The following RPTOR variants were observed in gnomAD, a reference collection of about 807,000 sequenced individuals.
The protein encoded by RPTOR is regulatory-associated protein of mTOR.
A neutral mutation model predicts 169.9 loss-of-function variants in RPTOR; 21 were observed. The observed-to-expected ratio is 0.12, with a 90% CI of 0.09 to 0.18. RPTOR has a LOEUF of 0.18. Among genes scored for constraint, RPTOR ranks in the 10% least tolerant of loss-of-function variants. RPTOR has a pLI of 1.00. For synonymous variants in RPTOR, 732 were observed against 753.2 expected, an observed-to-expected ratio of 0.97 and a Z score of 0.46; for missense variants, 1,133 against 1,855.9, an observed-to-expected ratio of 0.61 and a Z score of 7.16.
chr17:80,568,053 T>C (rs1188533761), intron 1 of RPTOR, among the ~76,000 whole-genome samples: 1 of 151,830 alleles, frequency 6.6e-6, no homozygotes, highest in South Asian at 2.1e-4. Context: ...ACTACAGGCA[T>C]GCGCTACTAT....
intron 1 of RPTOR, among the ~76,000 whole-genome samples, chr17:80,600,832 A>C (rs965685473): frequency 2.6e-5 from 4 of 151,854 alleles, no homozygotes; most frequent in African/African-American, 9.7e-5. Flanking sequence ...CGTATTTTCC[A>C]GAGATGACCG....
In RPTOR at chr17:80,822,755, T is replaced by C. The variant is rs544775456; in HGVS notation, c.992-324T>C. On this transcript the variant is annotated intron_variant, in intron 8 of 33. Coordinates refer to ENST00000306801, the MANE Select transcript of RPTOR (RefSeq NM_020761.3). ...ATACACGTGTGTATATGCATATTTG[T>C]GTGTGTGTATTTGTGTATGTGTACA... Among the ~76,000 whole-genome samples the C allele has an allele frequency of 1.9e-4, 27 of 140,218 alleles. No individual in the cohort carries two copies. In the South Asian group the frequency reaches 5.3e-3, roughly 28 times the overall value. 92.0% of individuals were successfully genotyped at this position (140,218 alleles called of 152,430 possible). A position where few individuals can be genotyped will look rare whatever the true frequency, so the allele number is the denominator to read the frequency against.
At position 80,674,249 on chromosome 17, in the gene RPTOR, G is replaced by A. The variant is rs140235142; in HGVS notation, c.348+30439G>A. ...CATGTTATGGAACAAGTTAGTATAA[G>A]TTTATTTTGGGGCAAAATGTTTTTT... is the stretch of plus-strand genomic sequence containing the variant. On this transcript the variant is annotated intron_variant, in intron 3 of 33. Transcript: ENST00000306801. Among the ~76,000 whole-genome samples the A allele has an allele frequency of 1.2e-4, 18 of 152,300 alleles. No homozygotes were observed. In the East Asian group the frequency reaches 2.9e-3, roughly 24 times the overall value.
chr17:80,584,186 G>A (rs1312105203), intron 1 of RPTOR, among the ~76,000 whole-genome samples: 1 of 152,138 alleles, frequency 6.6e-6, no homozygotes, highest in African/African-American at 2.4e-5. Flanking sequence ...CAGTGAAGGG[G>A]AATCAGTGTC....
chr17:80,720,214 C>T (rs1056128526), intron 4 of RPTOR, among the ~76,000 whole-genome samples: 2 of 151,962 alleles, frequency 1.3e-5, no homozygotes, highest in Admixed American at 6.6e-5. Context: ...AGGAGAATCG[C>T]TTGAACTGGG....
At chr17:80,564,174 T>C (rs1169759311) in intron 1 of RPTOR, among the ~76,000 whole-genome samples, 1 of 152,042 alleles carries the variant, frequency 6.6e-6, no homozygotes, top group East Asian at 1.9e-4. Flanking sequence ...GTCATTCTCC[T>C]GCCTCAGCCT....
chr17:80,855,561 G>T lies in RPTOR; in HGVS notation c.1398+14G>T. ...GCAGTGAGCCTGGTGCGTGCCTTCC[G>T]CATTAACCTGGGGGCTGAGGGAGGT... On this transcript the variant is annotated intron_variant, in intron 12 of 33. Coordinates refer to ENST00000306801, the MANE Select transcript of RPTOR (RefSeq NM_020761.3). 4.4e-6 allele frequency: 7 copies of T among 1,589,996 alleles called. No homozygotes were observed. Among genetic ancestry groups the T allele is most frequent in the Non-Finnish European group, 6.0e-6 (7 of 1,158,030 alleles).
chr17:80,664,792 G>C (rs1330952266), intron 3 of RPTOR, among the ~76,000 whole-genome samples: 1 of 152,178 alleles, frequency 6.6e-6, no homozygotes, highest in Non-Finnish European at 1.5e-5. Flanking sequence ...TAAAGTGCCT[G>C]AGATAAATTT....
rs1399687840 is a variant in RPTOR at position 80,708,103 on chromosome 17, T to C, written c.507+104T>C. ...TCCGTAGCTTCTGTTAAGCCATTGA[T>C]GTTTACTGTGTTTCAACAAACCCAA... On this transcript the variant is annotated intron_variant, in intron 4 of 33. Coordinates refer to ENST00000306801, the MANE Select transcript of RPTOR (RefSeq NM_020761.3). The surrounding 1 kb of genome is among the most constrained non-coding windows in gnomAD (Gnocchi z 4.2). The C allele has an allele frequency of 8.7e-7, 1 of 1,155,174 alleles. No individual in the cohort carries two copies. The highest frequency in any genetic ancestry group is 1.5e-5 in the South Asian group (1 of 64,976). 71.6% of individuals were successfully genotyped at this position (1,155,174 alleles called of 1,614,324 possible).
intron 1 of RPTOR, among the ~76,000 whole-genome samples, chr17:80,575,678 C>T (rs1169039976): frequency 2.0e-5 from 3 of 152,164 alleles, no homozygotes; most frequent in Non-Finnish European, 2.9e-5. Flanking sequence ...GAACACGATG[C>T]GTGTCTACAG....
intron 12 of RPTOR, among the ~76,000 whole-genome samples, chr17:80,856,018 G>T (rs2067848697): frequency 6.6e-6 from 1 of 152,100 alleles, no homozygotes; most frequent in Non-Finnish European, 1.5e-5. Context: ...AGTAGTAATG[G>T]CCACTAAAAA....
chr17:80,570,902 A>G (rs899451824), intron 1 of RPTOR, among the ~76,000 whole-genome samples: 2 of 152,248 alleles, frequency 1.3e-5, no homozygotes, highest in African/African-American at 4.8e-5. Context: ...GGTGTATCAC[A>G]TTAATAGTAC....
chr17:80,788,974 C>T (rs1247514049), intron 6 of RPTOR, among the ~76,000 whole-genome samples: 13 of 152,204 alleles, frequency 8.5e-5, no homozygotes, highest in Admixed American at 8.5e-4. Flanking sequence ...ACATTTTTGG[C>T]TAAAATGAAG....
intron 18 of RPTOR, 73 bp from the exon 19 acceptor site, chr17:80,892,656 T>C (rs1598383182): frequency 6.5e-7 from 1 of 1,545,132 alleles, no homozygotes; most frequent in Non-Finnish European, 8.9e-7. Context: ...GTGTCCCAGC[T>C]GCTGAGTGTC....
At chr17:80,616,397 G>A (rs1296018445) in intron 1 of RPTOR, among the ~76,000 whole-genome samples, 1 of 146,644 alleles carries the variant, frequency 6.8e-6, no homozygotes, top group East Asian at 2.0e-4. Flanking sequence ...TGCCTCCCAG[G>A]TTCAAGCAAT....
intron 2 of RPTOR, among the ~76,000 whole-genome samples, chr17:80,631,008 A>G (rs1054065255): frequency 6.6e-6 from 1 of 152,134 alleles, no homozygotes; most frequent in African/African-American, 2.4e-5. Flanking sequence ...CCTGTCCCCC[A>G]GTGATGGCAA....
At position 80,962,499 on chromosome 17, in the gene RPTOR, C is replaced by T. The variant is rs537048199; in HGVS notation, c.3731C>T (p.Pro1244Leu). 4.8e-5 allele frequency: 78 copies of T among 1,613,990 alleles called. No individual in the cohort carries two copies. In the South Asian group the frequency reaches 8.5e-4, roughly 17 times the overall value. The change falls in exon 32 of 34, where the codon CCT becomes CTT. Residue 1244 changes from proline to leucine, a missense_variant. Transcript: ENST00000306801. ...GDVRIFDPRMPESVNVLQIVK... is the reference protein window; with the variant it reads ...GDVRIFDPRMLESVNVLQIVK... Reference sequence around the variant, plus strand: ...GTGCGCATCTTTGATCCCCGGATGCCTGAGTCGGTAAATGTGCTTCAGATC... The same window carrying T: ...GTGCGCATCTTTGATCCCCGGATGCTTGAGTCGGTAAATGTGCTTCAGATC...
Position 80,823,312 on chromosome 17 carries a change from G to A in RPTOR, c.1136+89G>A. The A allele has an allele frequency of 2.6e-6, 4 of 1,519,002 alleles. No individual in the cohort carries two copies. The highest frequency in any genetic ancestry group is 2.7e-6 in the Non-Finnish European group (3 of 1,125,114). 94.1% of individuals were successfully genotyped at this position (1,519,002 alleles called of 1,614,324 possible). A position where few individuals can be genotyped will look rare whatever the true frequency, so the allele number is the denominator to read the frequency against. On this transcript the variant is annotated intron_variant, in intron 9 of 33. Coordinates refer to ENST00000306801, the MANE Select transcript of RPTOR (RefSeq NM_020761.3). The surrounding 1 kb of genome is among the most constrained non-coding windows in gnomAD (Gnocchi z 4.5). ...GGAATTGCACGGAGCTGGGCAGGGA[G>A]GCCCCACACCTAACTTGGGGACCCC...
At chr17:80,770,343 C>T (rs1292311377) in intron 6 of RPTOR, among the ~76,000 whole-genome samples, 3 of 152,138 alleles carry the variant, frequency 2.0e-5, no homozygotes, top group Non-Finnish European at 2.9e-5. Flanking sequence ...TTAGGAGGGA[C>T]GTGCCTTCTC....
Sources: allele counts gnomAD v4.1 joint callset (sites outside exome capture counted in the v4.1 genomes callset), GRCh38; gene constraint gnomAD v4.1.1; non-coding constraint Gnocchi (gnomAD v3.1); transcripts MANE v1.5; gene names NCBI Gene and HGNC (gene_info 2026-07-23, HGNC 2026-07-21).